NEXMIF: variants seen among roughly 807,000 people sequenced by gnomAD.
NEXMIF encodes the protein XLMR protein related to neurite extension.
NEXMIF carries 8 observed loss-of-function variants against 62.1 expected under a neutral mutation model. The ratio of observed to expected loss-of-function variants is 0.13; its 90% CI spans 0.08 to 0.23. The LOEUF (loss-of-function observed/expected upper bound fraction) is 0.23. Ranked by LOEUF, NEXMIF falls within the 10% of genes least tolerant of loss-of-function variation. The probability of loss-of-function intolerance (pLI) is 1.00; values close to 1 mark genes in which losing one functional copy is unlikely to be tolerated. For synonymous variants in NEXMIF, 404 were observed against 416.6 expected (o/e 0.97, Z 0.37); for missense variants, 976 against 1,113.3 (o/e 0.88, Z 1.75).
intron 1 of NEXMIF, among the ~76,000 whole-genome samples, chrX:74,910,639 G>A (rs2080785892): frequency 9.0e-6 from 1 of 111,307 alleles, no homozygotes; most frequent in South Asian, 3.8e-4. Context: ...GATTTGGAGG[G>A]GCCAGGGATG....
chrX:74,799,887 C>A (rs2080324262), intron 1 of NEXMIF, among the ~76,000 whole-genome samples: 1 of 110,400 alleles, frequency 9.1e-6, no homozygotes, highest in Admixed American at 9.6e-5. Context: ...CAAGAGAGGC[C>A]CAAAATATAA....
intron 1 of NEXMIF, among the ~76,000 whole-genome samples, chrX:74,837,269 G>T (rs1366826396): frequency 9.0e-6 from 1 of 111,731 alleles, no homozygotes; most frequent in East Asian, 2.8e-4. Context: ...TTGCTCACCT[G>T]ATTTTTGTTT....
chrX:74,797,569 A>G, intron 1 of NEXMIF, among the ~76,000 whole-genome samples: 1 of 112,251 alleles, frequency 8.9e-6, no homozygotes, highest in African/African-American at 3.2e-5. Context: ...TTAACATACA[A>G]TTAGGGAGGA....
chrX:74,918,338 C>T (rs764884420), intron 1 of NEXMIF, among the ~76,000 whole-genome samples: 3 of 112,019 alleles, frequency 2.7e-5, no homozygotes, highest in African/African-American at 9.7e-5. Flanking sequence ...TTCTACTTCC[C>T]TACTTAGTAA....
chrX:74,909,936 G>A (rs1310909193), intron 1 of NEXMIF, among the ~76,000 whole-genome samples: 2 of 112,550 alleles, frequency 1.8e-5, no homozygotes, highest in African/African-American at 6.5e-5. Context: ...AAGAATTGAG[G>A]TTTGGGAACC....
intron 1 of NEXMIF, among the ~76,000 whole-genome samples, chrX:74,750,203 G>T (rs1487962440): frequency 8.9e-6 from 1 of 111,835 alleles, no homozygotes; most frequent in Non-Finnish European, 1.9e-5. Flanking sequence ...AACTACATAG[G>T]TGTGCTGTAT....
At position 74,878,619 on chromosome X, in the gene NEXMIF, T is replaced by A. The variant is rs939150493; in HGVS notation, c.-48+46264A>T. On this transcript the variant is annotated intron_variant, in intron 1 of 3. Transcript: ENST00000055682. The stretch of plus-strand genomic sequence containing the variant: ...GCCACCTTGCAGATTGATCTCAGAC[T>A]GCAGTGCTCGCAATCAGCGGGACTC... 2.7e-5 allele frequency among the ~76,000 whole-genome samples: 3 copies of A among 112,701 alleles called. No individual in the cohort carries two copies. The Admixed American group carries it at 2.8e-4, about 11-fold the overall frequency.
At chrX:74,745,110 T>C (rs1349837496) in intron 2 of NEXMIF, among the ~76,000 whole-genome samples, 3 of 109,761 alleles carry the variant, frequency 2.7e-5, no homozygotes, top group Non-Finnish European at 5.7e-5. Context: ...GCCTCCCGAG[T>C]AGCTGGGATT....
At chrX:74,901,554 G>C (rs1449494375) in intron 1 of NEXMIF, among the ~76,000 whole-genome samples, 1 of 109,154 alleles carries the variant, frequency 9.2e-6, no homozygotes, top group Admixed American at 1.0e-4. Context: ...AGAGAATTCT[G>C]CTGGACAAAG....
intron 1 of NEXMIF, among the ~76,000 whole-genome samples, chrX:74,776,618 T>C (rs945804627): frequency 4.7e-5 from 5 of 107,028 alleles, no homozygotes; most frequent in African/African-American, 1.7e-4. Flanking sequence ...TCTCAGCTAC[T>C]TGGGAGGCTG....
At chrX:74,872,042 C>T (rs2080603365) in intron 1 of NEXMIF, among the ~76,000 whole-genome samples, 1 of 111,391 alleles carries the variant, frequency 9.0e-6, no homozygotes, top group African/African-American at 3.3e-5. Flanking sequence ...TCCATGAAAT[C>T]TTCACAATTC....
chrX:74,876,850 C>A (rs1433489015), intron 1 of NEXMIF, among the ~76,000 whole-genome samples: 1 of 107,923 alleles, frequency 9.3e-6, no homozygotes, highest in Non-Finnish European at 1.9e-5. Flanking sequence ...CTTGGTAGAT[C>A]TTCCTCCATC....
intron 1 of NEXMIF, among the ~76,000 whole-genome samples, chrX:74,757,661 G>A (rs2080163433): frequency 9.0e-6 from 1 of 111,458 alleles, no homozygotes; most frequent in East Asian, 2.8e-4. Context: ...GGTTTCCATC[G>A]GTCTTTGGTC....
In NEXMIF at chrX:74,742,301, G is replaced by A. The variant is rs1335415806; in HGVS notation, c.2256C>T (p.Asn752=). 1.7e-6 allele frequency: 2 copies of A among 1,211,708 alleles called. No homozygotes were observed. Among genetic ancestry groups the A allele is most frequent in the Admixed American group, 4.3e-5 (2 of 46,017 alleles). ...TCTTTAAATTAGCCTTTGAGGATTGGTTTTCCAAGAGAGGGCTCATTTGAA... is the reference window on the plus strand; with the variant it reads ...TCTTTAAATTAGCCTTTGAGGATTGATTTTCCAAGAGAGGGCTCATTTGAA... ...PIVQMSPLLE[N]QSSKANLKNE... The change falls in exon 3 of 4, where the codon AAC becomes AAT. Residue 752 remains asparagine (N), a synonymous_variant. Coordinates refer to ENST00000055682, the MANE Select transcript of NEXMIF (RefSeq NM_001008537.3).
At chrX:74,907,517 AAACTGTTACTGTGGGAAACG>A (rs1321828678) in intron 1 of NEXMIF, among the ~76,000 whole-genome samples, 4 of 110,466 alleles carry the variant, frequency 3.6e-5, no homozygotes, top group Non-Finnish European at 3.8e-5. Flanking sequence ...GCCACCATAG[AAACTGTTACTGTGGGAAACG>A]ACCTTAGAGA....
At chrX:74,920,762 C>G (rs963536588) in intron 1 of NEXMIF, among the ~76,000 whole-genome samples, 7 of 111,748 alleles carry the variant, frequency 6.3e-5, no homozygotes, top group Non-Finnish European at 1.3e-4. Flanking sequence ...GGTTTTAGGT[C>G]TAACGTTTAA....
At chrX:74,841,140 CCTCT>C (rs747023935) in intron 1 of NEXMIF, among the ~76,000 whole-genome samples, 7 of 111,159 alleles carry the variant, frequency 6.3e-5, no homozygotes, top group South Asian at 3.8e-4. Flanking sequence ...TTATTTGTGT[CCTCT>C]CTGATTTTTT....
intron 1 of NEXMIF, among the ~76,000 whole-genome samples, chrX:74,892,567 T>C (rs1223032120): frequency 8.9e-6 from 1 of 112,306 alleles, no homozygotes; most frequent in Non-Finnish European, 1.9e-5. Context: ...TATATACTTA[T>C]TACTTAAACA....
intron 1 of NEXMIF, among the ~76,000 whole-genome samples, chrX:74,795,856 A>G (rs2080304791): frequency 9.3e-6 from 1 of 108,048 alleles, no homozygotes. Context: ...AAGATAAAAG[A>G]CAAATAACCA....
Sources: allele counts gnomAD v4.1 joint callset (sites outside exome capture counted in the v4.1 genomes callset), GRCh38; gene constraint gnomAD v4.1.1; transcripts MANE v1.5; gene names NCBI Gene and HGNC (gene_info 2026-07-23, HGNC 2026-07-21).